The following LRRC7 variants were observed in gnomAD, a reference collection of about 807,000 sequenced individuals.
LRRC7 encodes the protein leucine-rich repeat-containing protein 7.
Under a neutral mutation model 175.7 loss-of-function variants are expected in LRRC7, and 23 were observed. The observed-to-expected ratio is 0.13, with a 90% confidence interval of 0.09 to 0.19. The LOEUF (loss-of-function observed/expected upper bound fraction) is 0.19, where lower values mean the gene tolerates loss of function less well. LRRC7 is among the 10% of genes least tolerant of loss of function. The pLI is 1.00. For synonymous variants in LRRC7, 685 were observed against 680.9 expected, an observed-to-expected ratio of 1.01 and a Z score of -0.09; for missense variants, 1,354 against 1,904.7, an observed-to-expected ratio of 0.71 and a Z score of 5.38.
chr1:69,787,860 C>T (rs1179813769), intron 3 of LRRC7, among the ~76,000 whole-genome samples: 1 of 152,070 alleles, frequency 6.6e-6, no homozygotes, highest in Non-Finnish European at 1.5e-5. Flanking sequence ...TTGTGGGAGC[C>T]ACAGGATGAG....
Position 69,894,781 on chromosome 1 carries a change from C to A in LRRC7, c.648-36726C>A, listed in dbSNP as rs149500364. On this transcript the variant is annotated intron_variant, in intron 7 of 26. Coordinates refer to ENST00000651989, the MANE Select transcript of LRRC7 (RefSeq NM_001370785.2). The stretch of plus-strand genomic sequence containing the variant: ...TGTGTAATATCTCTAATATGAGGCA[C>A]CTAAAATAATCAAAGGTATAGAAGT... Among the ~76,000 whole-genome samples the A allele has an allele frequency of 2.6e-5, 4 of 151,954 alleles. No homozygotes were observed. In the East Asian group the frequency reaches 7.7e-4, roughly 29 times the overall value.
At chr1:69,722,194 T>C (rs1666439706) in intron 2 of LRRC7, among the ~76,000 whole-genome samples, 1 of 152,006 alleles carries the variant, frequency 6.6e-6, no homozygotes, top group South Asian at 2.1e-4. Flanking sequence ...GTTTAGACAC[T>C]GTTCAATGAC....
At chr1:70,102,453 T>A (rs1207965769) in intron 25 of LRRC7, among the ~76,000 whole-genome samples, 1 of 152,230 alleles carries the variant, frequency 6.6e-6, no homozygotes, top group African/African-American at 2.4e-5. Flanking sequence ...AAATGTGGTA[T>A]AGTTGGAGAC....
At chr1:70,012,498 T>C (rs1656599099) in intron 12 of LRRC7, among the ~76,000 whole-genome samples, 1 of 151,846 alleles carries the variant, frequency 6.6e-6, no homozygotes, top group Non-Finnish European at 1.5e-5. Flanking sequence ...CTTATAATGA[T>C]GCAACAATAA....
At chr1:69,853,736 A>G (rs1166246326) in intron 7 of LRRC7, among the ~76,000 whole-genome samples, 4 of 152,116 alleles carry the variant, frequency 2.6e-5, no homozygotes, top group Non-Finnish European at 5.9e-5. Flanking sequence ...AGAAATATGA[A>G]CTCAGCTGAT....
At chr1:69,779,426 A>G (rs1673225878) in intron 3 of LRRC7, among the ~76,000 whole-genome samples, 1 of 152,218 alleles carries the variant, frequency 6.6e-6, no homozygotes, top group African/African-American at 2.4e-5. Flanking sequence ...TGCTACCATC[A>G]CATAAAGTAA....
At chr1:69,972,863 C>A (rs2101871113) in intron 8 of LRRC7, among the ~76,000 whole-genome samples, 1 of 150,294 alleles carries the variant, frequency 6.7e-6, no homozygotes, top group African/African-American at 2.4e-5. Flanking sequence ...AACATGGAAC[C>A]AACCCGAGTG....
intron 2 of LRRC7, among the ~76,000 whole-genome samples, chr1:69,743,314 G>C (rs1668910234): frequency 1.3e-5 from 2 of 151,990 alleles, no homozygotes; most frequent in Non-Finnish European, 2.9e-5. Flanking sequence ...AGTTGGGAAA[G>C]ATCTGCAGAA....
intron 4 of LRRC7, 75 bp from the exon 5 acceptor site, chr1:69,825,673 T>C (rs974675927): frequency 1.1e-6 from 1 of 911,148 alleles, no homozygotes; most frequent in Non-Finnish European, 1.7e-6. Context: ...TTAATAATTA[T>C]CTAAATATTA....
At chr1:69,787,455 G>A (rs1030551737) in intron 3 of LRRC7, among the ~76,000 whole-genome samples, 20 of 152,176 alleles carry the variant, frequency 1.3e-4, no homozygotes, top group Admixed American at 3.9e-4. Context: ...CTCCATGAGG[G>A]CCCTGCCCCT....
At chr1:69,708,839 G>A (rs1002188586) in intron 2 of LRRC7, among the ~76,000 whole-genome samples, 1 of 152,076 alleles carries the variant, frequency 6.6e-6, no homozygotes, top group Non-Finnish European at 1.5e-5. Context: ...GGAACAATGT[G>A]AGCAGAAACA....
intron 1 of LRRC7, among the ~76,000 whole-genome samples, chr1:69,608,937 T>A (rs935101384): frequency 6.8e-6 from 1 of 146,188 alleles, no homozygotes; most frequent in Non-Finnish European, 1.5e-5. Flanking sequence ...TATATATATA[T>A]AATTTTATAC....
chr1:69,741,933 A>G (rs145359196), intron 2 of LRRC7, among the ~76,000 whole-genome samples: 217 of 152,116 alleles, frequency 1.4e-3, no homozygotes, highest in African/African-American at 4.6e-3. Flanking sequence ...CCACATTTCA[A>G]AATGAACTTC....
intron 23 of LRRC7, among the ~76,000 whole-genome samples, chr1:70,063,816 CCAT>C (rs1661764975): frequency 6.6e-6 from 1 of 151,964 alleles, no homozygotes; most frequent in Non-Finnish European, 1.5e-5. Context: ...TAAGGATACT[CCAT>C]CGTTTTTTAA....
At chr1:70,108,976 G>A (rs1198719245) in intron 26 of LRRC7, among the ~76,000 whole-genome samples, 1 of 152,030 alleles carries the variant, frequency 6.6e-6, no homozygotes, top group Admixed American at 6.6e-5. Flanking sequence ...TGTTGTTGTT[G>A]TTTGGTGGTG....
chr1:69,843,105 A>C (rs1681915125), intron 7 of LRRC7, among the ~76,000 whole-genome samples: 1 of 152,048 alleles, frequency 6.6e-6, no homozygotes, highest in African/African-American at 2.4e-5. Flanking sequence ...AGGCTGAGGC[A>C]ACTGAATCGC....
In LRRC7 at chr1:69,609,171, G is replaced by C. The variant is rs1301898422; in HGVS notation, c.2+40530G>C. On this transcript the variant is annotated intron_variant, in intron 1 of 26. Transcript: ENST00000651989. The stretch of plus-strand genomic sequence containing the variant: ...AGGGAGACTATGGACTCCACAATTT[G>C]ACCTTGGGCTAATTTGTTTATTACA... Among the ~76,000 whole-genome samples, 12 of 151,730 alleles carry C rather than the reference G, an allele frequency of 7.9e-5. No homozygotes were observed. The South Asian group carries it at 2.3e-3, about 29-fold the overall frequency.
chr1:70,051,437 T>A (rs1015610406), intron 22 of LRRC7, among the ~76,000 whole-genome samples: 2 of 152,060 alleles, frequency 1.3e-5, no homozygotes, highest in Admixed American at 6.6e-5. Context: ...TACCATATTT[T>A]AATATCTAGA....
intron 8 of LRRC7, among the ~76,000 whole-genome samples, chr1:69,939,005 A>C (rs545407433): frequency 2.8e-4 from 27 of 97,880 alleles, no homozygotes; most frequent in Middle Eastern, 5.1e-3. Flanking sequence ...TTATATATAT[A>C]TATATATATC....
Sources: gnomAD v4.1 joint callset for allele counts (sites outside exome capture counted in the v4.1 genomes callset) on GRCh38, gnomAD v4.1.1 for gene constraint, MANE v1.5 for transcripts, NCBI Gene and HGNC (gene_info 2026-07-23, HGNC 2026-07-21) for gene names.